Variants in TRIO observed in about 807,000 individuals in gnomAD.
TRIO encodes triple functional domain protein.
A neutral mutation model predicts 351.9 loss-of-function variants in TRIO; 58 were observed. The observed-to-expected ratio is 0.16, with a 90% confidence interval of 0.13 to 0.21. The LOEUF (loss-of-function observed/expected upper bound fraction) is 0.21. Ranked by LOEUF, TRIO falls within the 10% of genes least tolerant of loss-of-function variation. TRIO has a pLI of 1.00. For missense variants in TRIO, 3,201 were observed against 4,027.8 expected (o/e 0.79, Z 5.56); for synonymous variants, 1,758 against 1,595.7 (o/e 1.10, Z -2.42).
intron 34 of TRIO, among the ~76,000 whole-genome samples, chr5:14,452,955 G>C (rs1752947962): frequency 6.6e-6 from 1 of 152,172 alleles, no homozygotes; most frequent in East Asian, 1.9e-4. Context: ...ACTGGGCCTA[G>C]AAAACAGCCT....
chr5:14,302,325 T>C (rs1368303148), intron 7 of TRIO, among the ~76,000 whole-genome samples: 2 of 152,250 alleles, frequency 1.3e-5, no homozygotes, highest in African/African-American at 4.8e-5. Context: ...TTTTGGGTGT[T>C]CTGCAGTGGC....
At chr5:14,145,241 G>T (rs1787436671) in intron 1 of TRIO, among the ~76,000 whole-genome samples, 1 of 152,242 alleles carries the variant, frequency 6.6e-6, no homozygotes, top group Non-Finnish European at 1.5e-5. Context: ...GCGGGAGGGC[G>T]ATGGTGAGAG....
At chr5:14,268,200 G>C (rs774389529) in intron 1 of TRIO, among the ~76,000 whole-genome samples, 1 of 152,216 alleles carries the variant, frequency 6.6e-6, no homozygotes, top group African/African-American at 2.4e-5. Flanking sequence ...ATAGGAAATT[G>C]AGACATTTAT....
rs543325966 is a variant in TRIO at position 14,480,335 on chromosome 5, A to G, written c.6336+324A>G. ...CTTAAAAATTTAAGAAAACACTTCA[A>G]ACAATTTTCTCAATTTTTTATTTAC... On this transcript the variant is annotated intron_variant, in intron 43 of 56. Coordinates refer to ENST00000344204, the MANE Select transcript of TRIO (RefSeq NM_007118.4). Among the ~76,000 whole-genome samples the G allele has an allele frequency of 8.8e-4, 134 of 152,234 alleles. 1 individual carries two copies. Among genetic ancestry groups the G allele is most frequent in the Non-Finnish European group, 1.3e-3 (86 of 68,036 alleles).
At chr5:14,449,273 G>A in intron 34 of TRIO, among the ~76,000 whole-genome samples, 1 of 152,214 alleles carries the variant, frequency 6.6e-6, no homozygotes, top group East Asian at 1.9e-4. Flanking sequence ...CGGCCGGTGG[G>A]ATGAAAGACG....
At chr5:14,184,283 A>T (rs1789971978) in intron 1 of TRIO, among the ~76,000 whole-genome samples, 1 of 152,222 alleles carries the variant, frequency 6.6e-6, no homozygotes, top group Admixed American at 6.5e-5. Context: ...CTGTTTGTGT[A>T]TCCGCTCAGC....
intron 35 of TRIO, among the ~76,000 whole-genome samples, chr5:14,461,552 C>A (rs1206705714): frequency 6.6e-6 from 1 of 151,986 alleles, no homozygotes; most frequent in Non-Finnish European, 1.5e-5. Context: ...AACAAACAAA[C>A]AAAACAGATC....
chr5:14,385,340 C>T (rs1222233296), intron 21 of TRIO, among the ~76,000 whole-genome samples: 1 of 152,218 alleles, frequency 6.6e-6, no homozygotes, highest in Non-Finnish European at 1.5e-5. Context: ...TTGGAAACAA[C>T]ACGGAGACCT....
intron 18 of TRIO, among the ~76,000 whole-genome samples, chr5:14,372,577 C>G (rs754977417): frequency 5.9e-5 from 9 of 152,136 alleles, no homozygotes; most frequent in Non-Finnish European, 1.2e-4. Context: ...TTTGGTTATT[C>G]TAAAGTAGAG....
At chr5:14,355,097 G>A (rs1283697223) in intron 11 of TRIO, among the ~76,000 whole-genome samples, 1 of 152,190 alleles carries the variant, frequency 6.6e-6, no homozygotes, top group Non-Finnish European at 1.5e-5. Flanking sequence ...GGGAGTGAGT[G>A]GGCACCCTCT....
At chr5:14,306,879 G>GTA (rs1171756773) in intron 8 of TRIO, among the ~76,000 whole-genome samples, 4 of 152,088 alleles carry the variant, frequency 2.6e-5, no homozygotes, top group African/African-American at 9.7e-5. Flanking sequence ...TTTACCTGTG[G>GTA]TATAGTTTTA....
rs1755518041 is a variant in TRIO, at chr5:14,481,557, T to C, written c.6404T>C (p.Met2135Thr). ...TSELERAVEVMCIVPRRCNDM... is the reference protein window; with the variant it reads ...TSELERAVEVTCIVPRRCNDM... ...CTCCCACAGAGAGCTGTGGAAGTCATGTGCATAGTACCCAGGCGGTGCAAC... is the reference window on the plus strand; with the variant it reads ...CTCCCACAGAGAGCTGTGGAAGTCACGTGCATAGTACCCAGGCGGTGCAAC... Residue 2135 changes from methionine to threonine, a missense_variant, in exon 45 of 57, where the codon ATG becomes ACG. By Grantham distance (81) the Met-to-Thr change is moderately conservative. Transcript: ENST00000344204. The C allele has an allele frequency of 6.2e-7, 1 of 1,614,140 alleles. No homozygotes were observed. The highest frequency in any genetic ancestry group is 2.2e-5 in the East Asian group (1 of 44,872).
chr5:14,319,670 C>G (rs1170379352), intron 9 of TRIO, among the ~76,000 whole-genome samples: 3 of 152,102 alleles, frequency 2.0e-5, no homozygotes, highest in African/African-American at 4.8e-5. Context: ...AAAGGAAGAG[C>G]AAGTTACTGA....
intron 33 of TRIO, chr5:14,418,748 CAG>C (rs1749854901): frequency 6.5e-6 from 1 of 152,884 alleles, no homozygotes; most frequent in African/African-American, 2.4e-5. Context: ...GGAGAAGCAG[CAG>C]AGACAGAACC....
At chr5:14,205,711 T>C (rs1791415857) in intron 1 of TRIO, among the ~76,000 whole-genome samples, 1 of 152,244 alleles carries the variant, frequency 6.6e-6, no homozygotes, top group African/African-American at 2.4e-5. Flanking sequence ...CGCATACAAA[T>C]ACTTTTATAC....
chr5:14,460,886 A>G lies in TRIO; in HGVS notation c.5204-133A>G, dbSNP rs1579722598. ...AAAGCATCAGCCCCTGTCATCTCAC[A>G]CCCCGTAGGCAAAGCCCGCTGACGA... On this transcript the variant is annotated intron_variant, in intron 34 of 56. Coordinates refer to ENST00000344204, the MANE Select transcript of TRIO (RefSeq NM_007118.4). 5 of 1,046,852 alleles carry G rather than the reference A, an allele frequency of 4.8e-6. 1 individual carries two copies. The South Asian group carries it at 9.3e-5, about 20-fold the overall frequency. The allele number at this position is 1,046,852 out of a possible 1,614,324, so 64.8% of individuals were successfully genotyped here. A position where few individuals can be genotyped will look rare whatever the true frequency, so the allele number is the denominator to read the frequency against.
chr5:14,276,160 A>G (rs1735503594), intron 2 of TRIO, among the ~76,000 whole-genome samples: 1 of 151,772 alleles, frequency 6.6e-6, no homozygotes, highest in Admixed American at 6.6e-5. Flanking sequence ...GTTTGCTGGT[A>G]CCTTAGTTCT....
chr5:14,370,528 T>G, intron 18 of TRIO, among the ~76,000 whole-genome samples: 1 of 152,166 alleles, frequency 6.6e-6, no homozygotes, highest in South Asian at 2.1e-4. Context: ...CTGACCACTT[T>G]CCTGTTACAC....
intron 34 of TRIO, among the ~76,000 whole-genome samples, chr5:14,460,181 G>T (rs1280748079): frequency 6.6e-6 from 1 of 152,180 alleles, no homozygotes; most frequent in African/African-American, 2.4e-5. Context: ...CTCCCAAAGT[G>T]CTGGGATTAC....
Sources: allele counts gnomAD v4.1 joint callset (sites outside exome capture counted in the v4.1 genomes callset), GRCh38; gene constraint gnomAD v4.1.1; transcripts MANE v1.5; gene names NCBI Gene and HGNC (gene_info 2026-07-23, HGNC 2026-07-21).